TSPAN18: variants seen among roughly 807,000 people sequenced by gnomAD.
TSPAN18 encodes tetraspanin 18, also known as tetraspanin-18.
TSPAN18 carries 14 observed loss-of-function variants against 27.3 expected under a neutral mutation model. The ratio of observed to expected loss-of-function variants is 0.51; its 90% confidence interval spans 0.34 to 0.80. TSPAN18 has a LOEUF of 0.80. Ranked by LOEUF, TSPAN18 falls within the 30% of genes least tolerant of loss-of-function variation. The pLI is 0.01. For missense variants in TSPAN18, 268 were observed against 323.9 expected, an observed-to-expected ratio of 0.83 and a Z score of 1.32; for synonymous variants, 143 against 136.5, an observed-to-expected ratio of 1.05 and a Z score of -0.33.
intron 1 of TSPAN18, among the ~76,000 whole-genome samples, chr11:44,732,288 C>T (rs368015637): frequency 2.0e-5 from 3 of 152,334 alleles, no homozygotes; most frequent in African/African-American, 7.2e-5. Context: ...GGAATGCTGC[C>T]GCCCGCCAGG....
chr11:44,776,999 G>C (rs1308169268), intron 2 of TSPAN18, among the ~76,000 whole-genome samples: 1 of 152,228 alleles, frequency 6.6e-6, no homozygotes, highest in Non-Finnish European at 1.5e-5. Context: ...TTCCTGCACT[G>C]TCTGGCACTT....
intron 1 of TSPAN18, among the ~76,000 whole-genome samples, chr11:44,732,512 C>T (rs182625350): frequency 2.6e-5 from 4 of 152,252 alleles, no homozygotes; most frequent in Non-Finnish European, 5.9e-5. Flanking sequence ...CGAAAAGCCC[C>T]AGGAATGATA....
At chr11:44,769,620 T>C (rs1415314744) in intron 2 of TSPAN18, among the ~76,000 whole-genome samples, 3 of 152,230 alleles carry the variant, frequency 2.0e-5, no homozygotes, top group African/African-American at 4.8e-5. Flanking sequence ...AGATTGTGTC[T>C]TTCTAGGAAT....
intron 1 of TSPAN18, among the ~76,000 whole-genome samples, chr11:44,743,359 A>G (rs1854991299): frequency 6.6e-6 from 1 of 152,146 alleles, no homozygotes; most frequent in African/African-American, 2.4e-5. Context: ...TGGGCAATGG[A>G]AAGAGCCGTG....
chr11:44,896,960 G>T (rs1019585712), intron 3 of TSPAN18, among the ~76,000 whole-genome samples: 1 of 152,234 alleles, frequency 6.6e-6, no homozygotes, highest in Non-Finnish European at 1.5e-5. Context: ...AAATGGGGAG[G>T]AATCTTTCAC....
intron 2 of TSPAN18, among the ~76,000 whole-genome samples, chr11:44,847,168 G>A (rs765112136): frequency 3.3e-5 from 5 of 152,296 alleles, no homozygotes; most frequent in African/African-American, 4.8e-5. Context: ...TAGAAGGATG[G>A]GAAGGATTTT....
intron 3 of TSPAN18, chr11:44,897,859 C>A: frequency 7.8e-7 from 1 of 1,289,410 alleles, no homozygotes; most frequent in Non-Finnish European, 1.0e-6. Flanking sequence ...TCTCCCTTCT[C>A]AGTGTACCTC....
At chr11:44,892,988 G>A (rs1427962884) in intron 3 of TSPAN18, among the ~76,000 whole-genome samples, 1 of 152,228 alleles carries the variant, frequency 6.6e-6, no homozygotes, top group Non-Finnish European at 1.5e-5. Context: ...CGGGCTTCAT[G>A]TCAGGAGGTC....
intron 1 of TSPAN18, among the ~76,000 whole-genome samples, chr11:44,749,722 T>C (rs890071358): frequency 2.6e-4 from 39 of 147,646 alleles, no homozygotes; most frequent in Admixed American, 4.7e-4. Flanking sequence ...CTGCAAACTC[T>C]GCCTCCCGGG....
intron 2 of TSPAN18, among the ~76,000 whole-genome samples, chr11:44,840,243 G>A (rs1211190700): frequency 6.6e-6 from 1 of 152,202 alleles, no homozygotes; most frequent in African/African-American, 2.4e-5. Flanking sequence ...ATGGCACAGT[G>A]CCTGGCCTGT....
intron 1 of TSPAN18, among the ~76,000 whole-genome samples, chr11:44,756,972 G>A (rs1029469511): frequency 6.6e-6 from 1 of 152,170 alleles, no homozygotes; most frequent in Non-Finnish European, 1.5e-5. Flanking sequence ...CATTGACTAC[G>A]ATGTTTGCTG....
Position 44,828,342 on chromosome 11 carries a change from A to C in TSPAN18, c.-152-31986A>C, listed in dbSNP as rs185651365. Among the ~76,000 whole-genome samples, 675 of 152,286 alleles carry C rather than the reference A, an allele frequency of 4.4e-3. 4 individuals are homozygous for C. Among genetic ancestry groups the C allele is most frequent in the Middle Eastern group, 0.024 (7 of 294 alleles). On this transcript the variant is annotated intron_variant, in intron 2 of 9. Coordinates refer to ENST00000520358, the MANE Select transcript of TSPAN18 (RefSeq NM_130783.5). ...TTTTTTAATTAAACAACAACAACAA[A>C]AAAAAAGCTGGCAGAGAGATGGAAG...
intron 2 of TSPAN18, among the ~76,000 whole-genome samples, chr11:44,792,405 G>T (rs973121899): frequency 6.6e-6 from 1 of 152,184 alleles, no homozygotes; most frequent in African/African-American, 2.4e-5. Context: ...AGTTCACAGG[G>T]GCTGAGTGGA....
chr11:44,807,527 C>CAAAA (rs59241339), intron 2 of TSPAN18, among the ~76,000 whole-genome samples: 81 of 64,404 alleles, frequency 1.3e-3, no homozygotes, highest in East Asian at 6.7e-3. Context: ...AACTCCATCT[C>CAAAA]AAAAAAAAAA....
intron 3 of TSPAN18, among the ~76,000 whole-genome samples, chr11:44,867,389 C>CTTTTTTT (rs71038824): frequency 9.9e-5 from 6 of 60,410 alleles, no homozygotes; most frequent in African/African-American, 1.4e-4. Flanking sequence ...GTTTATGAAT[C>CTTTTTTT]TTTTTTTTTT....
chr11:44,749,507 A>G (rs902730605), intron 1 of TSPAN18, among the ~76,000 whole-genome samples: 2 of 152,236 alleles, frequency 1.3e-5, no homozygotes, highest in African/African-American at 4.8e-5. Flanking sequence ...ATGCCTTTGT[A>G]TAAATCCCAT....
At chr11:44,771,974 C>T (rs961496098) in intron 2 of TSPAN18, among the ~76,000 whole-genome samples, 8 of 152,168 alleles carry the variant, frequency 5.3e-5, no homozygotes, top group African/African-American at 1.7e-4. Flanking sequence ...GAGATCAGCA[C>T]TTTAAGTTTG....
intron 8 of TSPAN18, among the ~76,000 whole-genome samples, chr11:44,924,709 G>C (rs10742733): frequency 6.8e-6 from 1 of 147,698 alleles, no homozygotes; most frequent in Non-Finnish European, 1.5e-5. Context: ...TGCTGTTATA[G>C]TTCTGCATTT....
chr11:44,755,551 G>GC (rs1855311997), intron 1 of TSPAN18, among the ~76,000 whole-genome samples: 1 of 152,046 alleles, frequency 6.6e-6, no homozygotes, highest in African/African-American at 2.4e-5. Context: ...TGGGGACGCA[G>GC]CCCCAAGACA....
Sources: allele counts gnomAD v4.1 joint callset (sites outside exome capture counted in the v4.1 genomes callset), GRCh38; gene constraint gnomAD v4.1.1; transcripts MANE v1.5; gene names NCBI Gene and HGNC (gene_info 2026-07-23, HGNC 2026-07-21).